EPHA6: variants seen among roughly 807,000 people sequenced by gnomAD.
EPHA6 encodes EPH receptor A6.
A neutral mutation model predicts 112.0 loss-of-function variants in EPHA6; 50 were observed. The observed-to-expected ratio is 0.45, with a 90% CI of 0.36 to 0.56. The LOEUF is 0.56. Among genes scored for constraint, EPHA6 ranks in the 20% least tolerant of loss-of-function variants. EPHA6 has a pLI of 0.00. For synonymous variants in EPHA6, 529 were observed against 490.7 expected (o/e 1.08, Z -1.03); for missense variants, 1,280 against 1,417.4 (o/e 0.90, Z 1.56).
Position 96,814,660 on chromosome 3 carries a change from C to T in EPHA6, c.37C>T (p.Pro13Ser), listed in dbSNP as rs999585540. The change falls in exon 1 of 18, where the codon CCG becomes TCG. Residue 13 changes from proline to serine, a missense_variant. Physicochemically the swap from Pro to Ser is moderately conservative, Grantham distance 74. Around this residue, in one of 4 missense-constraint regions of EPHA6, gnomAD observed 220 missense variants for 171.5 expected, o/e 1.28. Coordinates refer to ENST00000389672, the MANE Select transcript of EPHA6 (RefSeq NM_001080448.3). The part of the protein sequence containing the change: ...FPSPPAARSS[P>S]APQAASSSEA... ...CTCGCCTCCAGCCGCGAGGAGCTCC[C>T]CGGCGCCGCAGGCAGCGTCCTCCTC... is the stretch of plus-strand genomic sequence containing the variant. 3 of 1,479,232 alleles carry T rather than the reference C, an allele frequency of 2.0e-6. No homozygotes were observed. The highest frequency in any genetic ancestry group is 2.7e-6 in the Non-Finnish European group (3 of 1,114,640). The allele number at this position is 1,479,232 out of a possible 1,614,324, so 91.6% of individuals were successfully genotyped here.
At chr3:96,984,168 T>C (rs2042926501) in intron 2 of EPHA6, among the ~76,000 whole-genome samples, 1 of 152,160 alleles carries the variant, frequency 6.6e-6, no homozygotes, top group African/African-American at 2.4e-5. Context: ...TCTGTTTTTT[T>C]CCCATCTTTG....
At chr3:97,185,128 G>A (rs1276739400) in intron 3 of EPHA6, among the ~76,000 whole-genome samples, 1 of 152,092 alleles carries the variant, frequency 6.6e-6, no homozygotes, top group South Asian at 2.1e-4. Context: ...GAAAACCTAG[G>A]CAATACCATT....
rs376068648 is a variant in EPHA6, at chr3:97,483,936, C to T, written c.2077C>T (p.Arg693Cys). 78 of 1,592,864 alleles carry T rather than the reference C, an allele frequency of 4.9e-5. No individual in the cohort carries two copies. Among genetic ancestry groups the T allele is most frequent in the South Asian group, 5.8e-5 (5 of 85,692 alleles). ...RRNHLQNGHL[R>C]FPGIKTYIDP... ...TCGTTTTGTTATTGTTGTTGCAGTG[C>T]GCTTCCCGGGAATTAAAACTTACAT... The change falls in exon 10 of 18, where the codon CGC becomes TGC. Residue 693 changes from arginine to cysteine, a missense_variant and splice_region_variant. Arg to Cys is a radical substitution (Grantham distance 180). Around this residue, in one of 4 missense-constraint regions of EPHA6, gnomAD observed 878 missense variants for 999.7 expected, o/e 0.88. Transcript: ENST00000389672.
chr3:97,731,832 TCTC>T (rs2035049379), intron 15 of EPHA6, among the ~76,000 whole-genome samples: 1 of 151,988 alleles, frequency 6.6e-6, no homozygotes, highest in Admixed American at 6.6e-5. Flanking sequence ...AATTGCTTCT[TCTC>T]CTCTGTCCTC....
intron 5 of EPHA6, among the ~76,000 whole-genome samples, chr3:97,321,028 T>C (rs2082095647): frequency 6.6e-6 from 1 of 151,904 alleles, no homozygotes. Context: ...ACTATTGATT[T>C]TTTTCTGTCT....
chr3:96,919,721 A>G (rs1216785814), intron 2 of EPHA6, among the ~76,000 whole-genome samples: 2 of 151,834 alleles, frequency 1.3e-5, no homozygotes, highest in East Asian at 3.9e-4. Context: ...TACTTTTCTT[A>G]ATATTTCTTC....
At chr3:97,104,194 G>A (rs1010793177) in intron 3 of EPHA6, among the ~76,000 whole-genome samples, 1 of 152,124 alleles carries the variant, frequency 6.6e-6, no homozygotes, top group Admixed American at 6.6e-5. Context: ...TTGAATAGGA[G>A]TGGTGAGAGA....
At chr3:97,164,852 T>A (rs2076503175) in intron 3 of EPHA6, among the ~76,000 whole-genome samples, 1 of 152,106 alleles carries the variant, frequency 6.6e-6, no homozygotes, top group Non-Finnish European at 1.5e-5. Flanking sequence ...TATTTGAGGG[T>A]CTTATTAACT....
chr3:97,564,386 C>T lies in EPHA6; in HGVS notation c.2387-28226C>T, dbSNP rs1045514092. Among the ~76,000 whole-genome samples the T allele has an allele frequency of 2.6e-5, 4 of 152,150 alleles. No individual in the cohort carries two copies. The East Asian group carries it at 7.7e-4, about 29-fold the overall frequency. ...TGTGCTTGCCATATTTTATAATAGT[C>T]ATAATAATTCTGTTATGTAAAACTT... is the stretch of plus-strand genomic sequence containing the variant. On this transcript the variant is annotated intron_variant, in intron 11 of 17. Coordinates refer to ENST00000389672, the MANE Select transcript of EPHA6 (RefSeq NM_001080448.3).
chr3:97,405,186 C>T lies in EPHA6; in HGVS notation c.1643C>T (p.Ala548Val). The T allele has an allele frequency of 6.2e-7, 1 of 1,605,220 alleles. No homozygotes were observed. The highest frequency in any genetic ancestry group is 1.3e-5 in the African/African-American group (1 of 74,902). ...SLIGVVRKDWASQNSIALSWQ... is the reference protein window; with the variant it reads ...SLIGVVRKDWVSQNSIALSWQ... ...ATAGGTGTGGTAAGGAAGGACTGGG[C>T]ATCCCAAAATAGCATTGCCCTATCA... Residue 548 changes from alanine (A) to valine (V), a missense_variant, in exon 6 of 18, where the codon GCA becomes GTA. By Grantham distance (64) the Ala-to-Val change is moderately conservative. Around this residue, in one of 4 missense-constraint regions of EPHA6, gnomAD observed 878 missense variants for 999.7 expected, o/e 0.88. Coordinates refer to ENST00000389672, the MANE Select transcript of EPHA6 (RefSeq NM_001080448.3).
At chr3:97,555,426 G>A (rs1263326740) in intron 11 of EPHA6, among the ~76,000 whole-genome samples, 3 of 152,040 alleles carry the variant, frequency 2.0e-5, no homozygotes, top group African/African-American at 4.8e-5. Context: ...ATGATTTATA[G>A]TCCTTTGGGT....
chr3:97,038,311 C>T (rs920350347), intron 3 of EPHA6, among the ~76,000 whole-genome samples: 1 of 151,890 alleles, frequency 6.6e-6, no homozygotes, highest in African/African-American at 2.4e-5. Context: ...CATCCTTTCC[C>T]CCCCCATGCT....
intron 6 of EPHA6, among the ~76,000 whole-genome samples, chr3:97,441,775 G>C (rs1212828180): frequency 6.6e-6 from 1 of 151,956 alleles, no homozygotes; most frequent in African/African-American, 2.4e-5. Context: ...GAAAACCACT[G>C]ATAATTGCAT....
chr3:97,510,308 T>C (rs999676486), intron 10 of EPHA6, among the ~76,000 whole-genome samples: 1 of 152,204 alleles, frequency 6.6e-6, no homozygotes, highest in African/African-American at 2.4e-5. Context: ...GTGCTGGTTT[T>C]TCCTCATCAT....
intron 5 of EPHA6, among the ~76,000 whole-genome samples, chr3:97,374,348 A>T (rs555080213): frequency 1.3e-5 from 2 of 152,072 alleles, no homozygotes; most frequent in Non-Finnish European, 2.9e-5. Flanking sequence ...CCAAATTACC[A>T]TCTTGTTTTG....
At chr3:96,894,789 G>A (rs2038170998) in intron 2 of EPHA6, among the ~76,000 whole-genome samples, 1 of 152,030 alleles carries the variant, frequency 6.6e-6, no homozygotes, top group Non-Finnish European at 1.5e-5. Flanking sequence ...AGGATGAGTG[G>A]AATAGGAATG....
At chr3:97,640,193 G>C (rs301937) in intron 14 of EPHA6, among the ~76,000 whole-genome samples, 1 of 151,890 alleles carries the variant, frequency 6.6e-6, no homozygotes, top group African/African-American at 2.4e-5. Flanking sequence ...AAGTCAAAAT[G>C]TGAACCAAAT....
At chr3:97,323,731 A>G (rs1402691755) in intron 5 of EPHA6, among the ~76,000 whole-genome samples, 2 of 152,154 alleles carry the variant, frequency 1.3e-5, no homozygotes, top group African/African-American at 4.8e-5. Context: ...TAAGCAGAAT[A>G]AAACTGGAAA....
intron 10 of EPHA6, among the ~76,000 whole-genome samples, chr3:97,514,207 C>T (rs564949196): frequency 1.3e-5 from 2 of 152,242 alleles, no homozygotes; most frequent in African/African-American, 2.4e-5. Flanking sequence ...AATCTGTTTC[C>T]TCCTCTTTTC....
Sources: allele counts gnomAD v4.1 joint callset (sites outside exome capture counted in the v4.1 genomes callset), GRCh38; gene constraint gnomAD v4.1.1; regional missense constraint gnomAD v4.1.1; transcripts MANE v1.5; gene names NCBI Gene and HGNC (gene_info 2026-07-23, HGNC 2026-07-21).